NFIX: variants seen among roughly 807,000 people sequenced by gnomAD.
The protein encoded by NFIX is nuclear factor I X.
NFIX carries 2 observed loss-of-function variants against 53.3 expected under a neutral mutation model. The observed-to-expected ratio is 0.04, with a 90% CI of 0.02 to 0.12. NFIX has a LOEUF of 0.12. Among genes scored for constraint, NFIX ranks in the 10% least tolerant of loss-of-function variants. The probability of loss-of-function intolerance (pLI) is 1.00; values close to 1 mark genes in which losing one functional copy is unlikely to be tolerated. For missense variants in NFIX, 310 were observed against 674.5 expected, an observed-to-expected ratio of 0.46 and a Z score of 5.99; for synonymous variants, 244 against 289.0, an observed-to-expected ratio of 0.84 and a Z score of 1.58.
At position 12,996,228 on chromosome 19, in the gene NFIX, T is replaced by G. The variant is rs1464682296; in HGVS notation, c.27+364T>G. On this transcript the variant is annotated intron_variant, in intron 1 of 10. Transcript: ENST00000592199. This position sits in a 1 kb window ranked among gnomAD's most constrained non-coding sequence, Gnocchi z 5.2. ...ACTCCGGCTGACCTGTGGGCTACTG[T>G]AGCGCGCACCCGGGCAGCGTGGTCG... Among the ~76,000 whole-genome samples the G allele has an allele frequency of 6.6e-6, 1 of 151,686 alleles. No homozygotes were observed. The highest frequency in any genetic ancestry group is 1.5e-5 in the Non-Finnish European group (1 of 67,910).
rs1370560711 is a variant in NFIX, at chr19:13,073,467, A to G, written c.668A>G (p.Asn223Ser). The change falls in exon 4 of 11, where the codon AAT (asparagine) becomes AGT (serine). Residue 223 changes from asparagine to serine, a missense_variant. By Grantham distance (46) the Asn-to-Ser change is conservative. Transcript: ENST00000592199. The surrounding 1 kb of genome is among the most constrained non-coding windows in gnomAD (Gnocchi z 4.5). ...QDCFVTSGVW[N>S]VTELVRVSQT... ...TGTTTTGTGACTTCCGGGGTCTGGA[A>G]TGTGACGGAGCTGGTGAGAGTATCA... is the stretch of plus-strand genomic sequence containing the variant. The G allele has an allele frequency of 1.9e-6, 3 of 1,613,846 alleles. No homozygotes were observed. The highest frequency in any genetic ancestry group is 1.7e-5 in the Admixed American group (1 of 60,004).
chr19:13,026,636 C>T (rs891633161), intron 2 of NFIX, among the ~76,000 whole-genome samples: 4 of 152,058 alleles, frequency 2.6e-5, no homozygotes, highest in African/African-American at 9.7e-5. Context: ...CCTTTGAAAC[C>T]TAAACGGGCG....
intron 1 of NFIX, among the ~76,000 whole-genome samples, chr19:13,016,264 C>T (rs2012659252): frequency 6.6e-6 from 1 of 152,122 alleles, no homozygotes; most frequent in African/African-American, 2.4e-5. Flanking sequence ...TTAGTCCTTC[C>T]TGCTAGGAAT....
At chr19:13,084,358 C>T (rs566491014) in intron 8 of NFIX, among the ~76,000 whole-genome samples, 15 of 152,214 alleles carry the variant, frequency 9.9e-5, no homozygotes, top group African/African-American at 2.6e-4. Context: ...GCAGAAGAAT[C>T]GCTTGAACCC....
At chr19:13,031,852 T>C (rs918316211) in intron 2 of NFIX, among the ~76,000 whole-genome samples, 5 of 152,188 alleles carry the variant, frequency 3.3e-5, no homozygotes, top group African/African-American at 1.2e-4. Flanking sequence ...GTTCTCCCTC[T>C]GTCCTGGCTT....
Position 13,001,403 on chromosome 19 carries a change from G to A in NFIX, c.27+5539G>A, listed in dbSNP as rs1222720466. 1.3e-5 allele frequency among the ~76,000 whole-genome samples: 2 copies of A among 151,980 alleles called. No homozygotes were observed. Among genetic ancestry groups the A allele is most frequent in the East Asian group, 1.9e-4 (1 of 5,150 alleles). On this transcript the variant is annotated intron_variant, in intron 1 of 10. Transcript: ENST00000592199. This position sits in a 1 kb window ranked among gnomAD's most constrained non-coding sequence, Gnocchi z 6.5. ...TCTTGTGTATTTGGTAGTGGGGGTC[G>A]GGGAGCGTGCCACCATGCGTGTCAG...
At chr19:13,000,941 A>G (rs1246693704) in intron 1 of NFIX, among the ~76,000 whole-genome samples, 3 of 152,184 alleles carry the variant, frequency 2.0e-5, no homozygotes, top group African/African-American at 7.2e-5. Flanking sequence ...TCTAACCCAC[A>G]GGGAGCCTGG....
rs1020043494 is a variant in NFIX, at chr19:13,013,087, C to T, written c.28-11934C>T. Among the ~76,000 whole-genome samples the T allele has an allele frequency of 6.6e-6, 1 of 151,994 alleles. No individual in the cohort carries two copies. Among genetic ancestry groups the T allele is most frequent in the African/African-American group, 2.4e-5 (1 of 41,356 alleles). On this transcript the variant is annotated intron_variant, in intron 1 of 10. Transcript: ENST00000592199. The surrounding 1 kb of genome is among the most constrained non-coding windows in gnomAD (Gnocchi z 5.9). The stretch of plus-strand genomic sequence containing the variant: ...TCTAAAAAAAAAACCTTTAAAAACC[C>T]AAAACCTCCCCTCCAAGTCCCTTTC...
chr19:13,057,529 C>A (rs972290464), intron 2 of NFIX, among the ~76,000 whole-genome samples: 1 of 152,158 alleles, frequency 6.6e-6, no homozygotes, highest in Admixed American at 6.5e-5. Context: ...CCAGCCTCGG[C>A]TCCCCAGGGC....
At position 13,014,909 on chromosome 19, in the gene NFIX, T is replaced by C. The variant is rs1599721981; in HGVS notation, c.28-10112T>C. Among the ~76,000 whole-genome samples the C allele has an allele frequency of 6.6e-6, 1 of 152,290 alleles. No individual in the cohort carries two copies. The highest frequency in any genetic ancestry group is 1.5e-5 in the Non-Finnish European group (1 of 68,022). ...GTAGGCGAGGTGGCTGCGGTGGCCC[T>C]TCCGCCAGGTGTGGGGTAGACCGCT... is the stretch of plus-strand genomic sequence containing the variant. On this transcript the variant is annotated intron_variant, in intron 1 of 10. Coordinates refer to ENST00000592199, the MANE Select transcript of NFIX (RefSeq NM_001365902.3). The surrounding 1 kb of genome is among the most constrained non-coding windows in gnomAD (Gnocchi z 4.4).
intron 2 of NFIX, among the ~76,000 whole-genome samples, chr19:13,054,619 C>A (rs2015534558): frequency 6.6e-6 from 1 of 152,144 alleles, no homozygotes; most frequent in Non-Finnish European, 1.5e-5. Context: ...GGGTCCGTAG[C>A]AAGTGGCCTG....
Position 13,089,297 on chromosome 19 carries a change from C to T in NFIX, c.1403-1002C>T, listed in dbSNP as rs147635677. ...GGGTGTGTCTGGTGCAGGGCAGCGG[C>T]GGGCCTTCCAGGTAACCTGTGACAC... On this transcript the variant is annotated intron_variant, in intron 9 of 10. Transcript: ENST00000592199. The surrounding 1 kb of genome is among the most constrained non-coding windows in gnomAD (Gnocchi z 4.8). Among the ~76,000 whole-genome samples, 6 of 152,220 alleles carry T rather than the reference C, an allele frequency of 3.9e-5. No homozygotes were observed. In the East Asian group the frequency reaches 1.2e-3, roughly 29 times the overall value.
At chr19:13,000,930 A>G (rs577480528) in intron 1 of NFIX, among the ~76,000 whole-genome samples, 1 of 152,236 alleles carries the variant, frequency 6.6e-6, no homozygotes, top group African/African-American at 2.4e-5. Flanking sequence ...CGTCCTCCCC[A>G]TCTAACCCAC....
At chr19:13,092,435 T>C (rs535683892) in intron 10 of NFIX, among the ~76,000 whole-genome samples, 2 of 152,282 alleles carry the variant, frequency 1.3e-5, no homozygotes, top group African/African-American at 4.8e-5. Context: ...AACCAGAGTC[T>C]TCCTTCCCTG....
rs1045041541 is a variant in NFIX at position 12,996,586 on chromosome 19, G to C, written c.27+722G>C. On this transcript the variant is annotated intron_variant, in intron 1 of 10. Transcript: ENST00000592199. This position sits in a 1 kb window ranked among gnomAD's most constrained non-coding sequence, Gnocchi z 5.2. ...CGCCTCTCCGACCCCGGACGTCGCA[G>C]CCTCTGCCCCCCCACCCCCAAACTT... 6.6e-6 allele frequency among the ~76,000 whole-genome samples: 1 copy of C among 152,186 alleles called. No individual in the cohort carries two copies. Among genetic ancestry groups the C allele is most frequent in the Admixed American group, 6.5e-5 (1 of 15,282 alleles).
At chr19:13,054,583 G>A (rs60504074) in intron 2 of NFIX, among the ~76,000 whole-genome samples, 2,451 of 152,166 alleles carry the variant, frequency 0.016, 83 homozygotes, top group African/African-American at 0.057. Context: ...AGTACCCCAG[G>A]GAGTCCTACT....
rs2145179771 is a variant in NFIX, at chr19:13,022,103, A to G, written c.28-2918A>G. On this transcript the variant is annotated intron_variant, in intron 1 of 10. Coordinates refer to ENST00000592199, the MANE Select transcript of NFIX (RefSeq NM_001365902.3). This position sits in a 1 kb window ranked among gnomAD's most constrained non-coding sequence, Gnocchi z 4.5. ...TGCAGTGGTGAGGGGCGTTGGTCAG[A>G]TTCCTTGCCTCTGCTCAGAGGTAGT... is the stretch of plus-strand genomic sequence containing the variant. Among the ~76,000 whole-genome samples, 1 of 152,240 alleles carries G rather than the reference A, an allele frequency of 6.6e-6. No homozygotes were observed. The highest frequency in any genetic ancestry group is 1.5e-5 in the Non-Finnish European group (1 of 68,024).
intron 8 of NFIX, chr19:13,082,227 T>C (rs1200350114): frequency 4.1e-6 from 1 of 246,882 alleles, no homozygotes; most frequent in African/African-American, 2.2e-5. Context: ...ATTTGCTAGA[T>C]TCTAGACCAG....
chr19:13,065,055 C>T (rs2016319202), intron 2 of NFIX, among the ~76,000 whole-genome samples: 2 of 152,116 alleles, frequency 1.3e-5, no homozygotes, highest in South Asian at 4.1e-4. Flanking sequence ...TTGGGGGAGC[C>T]TTGGTATGCC....
Sources: allele counts gnomAD v4.1 joint callset (sites outside exome capture counted in the v4.1 genomes callset), GRCh38; gene constraint gnomAD v4.1.1; non-coding constraint Gnocchi (gnomAD v3.1); transcripts MANE v1.5; gene names NCBI Gene and HGNC (gene_info 2026-07-23, HGNC 2026-07-21).